LUZP2: variants seen among roughly 807,000 people sequenced by gnomAD.
LUZP2 encodes the protein leucine zipper protein 2.
Under a neutral mutation model 51.6 loss-of-function variants are expected in LUZP2, and 52 were observed. The observed-to-expected ratio is 1.01, with a 90% CI of 0.81 to 1.27. LUZP2 has a LOEUF of 1.27. Among genes scored for constraint, LUZP2 ranks in the 50% most tolerant of loss-of-function variants. The probability of loss-of-function intolerance (pLI) is 0.00; values close to 1 mark genes in which losing one functional copy is unlikely to be tolerated. For missense variants in LUZP2, 436 were observed against 395.4 expected, an observed-to-expected ratio of 1.10 and a Z score of -0.87; for synonymous variants, 154 against 137.3, an observed-to-expected ratio of 1.12 and a Z score of -0.85.
At chr11:24,649,940 T>TACACACACAGACACAG (rs1855574263) in intron 1 of LUZP2, among the ~76,000 whole-genome samples, 1 of 148,784 alleles carries the variant, frequency 6.7e-6, no homozygotes, top group Non-Finnish European at 1.5e-5. Context: ...CTAAGCTTTA[T>TACACACACAGACACAG]ACACACACAG....
chr11:24,996,341 T>C (rs2133934149), intron 9 of LUZP2, among the ~76,000 whole-genome samples: 1 of 151,512 alleles, frequency 6.6e-6, no homozygotes, highest in South Asian at 2.1e-4. Context: ...TAACTACTTG[T>C]AAAACAGATT....
chr11:24,958,043 T>C (rs565237001), intron 7 of LUZP2, among the ~76,000 whole-genome samples: 6 of 152,312 alleles, frequency 3.9e-5, no homozygotes, highest in African/African-American at 1.4e-4. Context: ...AGAATGATGA[T>C]TTCCAGCTTC....
At chr11:24,704,110 A>G (rs1455629223) in intron 1 of LUZP2, among the ~76,000 whole-genome samples, 8 of 145,668 alleles carry the variant, frequency 5.5e-5, no homozygotes, top group African/African-American at 1.0e-4. Context: ...ACATATACAC[A>G]TTCATTCTCT....
At position 24,713,569 on chromosome 11, in the gene LUZP2, G is replaced by A. The variant is rs147014967; in HGVS notation, c.63-15600G>A. On this transcript the variant is annotated intron_variant, in intron 1 of 11. Transcript: ENST00000336930. Reference sequence around the variant, plus strand: ...ATAAAAGTTAATACAGGCCAGACACGGTGGCTCACCCTGCAATCCCAGCAC... The same window carrying A: ...ATAAAAGTTAATACAGGCCAGACACAGTGGCTCACCCTGCAATCCCAGCAC... 2.9e-3 allele frequency among the ~76,000 whole-genome samples: 447 copies of A among 151,816 alleles called. 1 individual carries two copies. Among genetic ancestry groups the A allele is most frequent in the African/African-American group, 0.01 (429 of 41,372 alleles).
At chr11:25,003,592 A>C (rs1256495148) in intron 9 of LUZP2, among the ~76,000 whole-genome samples, 1 of 152,108 alleles carries the variant, frequency 6.6e-6, no homozygotes, top group Non-Finnish European at 1.5e-5. Flanking sequence ...TTCCTTACTA[A>C]ACCTTGAGCT....
chr11:24,750,393 G>A (rs185984852), intron 4 of LUZP2, among the ~76,000 whole-genome samples: 2 of 152,174 alleles, frequency 1.3e-5, no homozygotes, highest in Non-Finnish European at 2.9e-5. Flanking sequence ...CTTCCAATAG[G>A]GGAAAGAAAG....
chr11:24,987,424 A>G (rs531055618), intron 9 of LUZP2, among the ~76,000 whole-genome samples: 44 of 152,040 alleles, frequency 2.9e-4, no homozygotes, highest in African/African-American at 9.9e-4. Context: ...GACACCAGAA[A>G]TGAAAAGCAA....
rs189103063 is a variant in LUZP2, at chr11:24,983,402, T to C, written c.765+109T>C. The C allele has an allele frequency of 5.1e-4, 578 of 1,133,204 alleles. 4 individuals carry two copies. In the African/African-American group the frequency reaches 6.5e-3, roughly 13 times the overall value. 70.2% of individuals were successfully genotyped at this position (1,133,204 alleles called of 1,614,324 possible). On this transcript the variant is annotated intron_variant, in intron 9 of 11. Coordinates refer to ENST00000336930, the MANE Select transcript of LUZP2 (RefSeq NM_001009909.4). Reference sequence around the variant, plus strand: ...GGATTCAAGTATGATAACAAATCCATTGAAAGATTAGGAGGAAAATGGAAG... The same window carrying C: ...GGATTCAAGTATGATAACAAATCCACTGAAAGATTAGGAGGAAAATGGAAG...
At chr11:24,916,692 C>G (rs944985719) in intron 7 of LUZP2, among the ~76,000 whole-genome samples, 2 of 152,138 alleles carry the variant, frequency 1.3e-5, no homozygotes, top group Non-Finnish European at 2.9e-5. Context: ...GCATAGTATT[C>G]CATGGTGTAT....
chr11:24,635,625 G>A (rs57030349), intron 1 of LUZP2, among the ~76,000 whole-genome samples: 397 of 152,184 alleles, frequency 2.6e-3, no homozygotes, highest in African/African-American at 9.2e-3. Context: ...CAGAATACAG[G>A]CATTTCTATC....
intron 1 of LUZP2, among the ~76,000 whole-genome samples, chr11:24,708,304 A>G (rs1857680230): frequency 6.6e-6 from 1 of 152,220 alleles, no homozygotes; most frequent in African/African-American, 2.4e-5. Flanking sequence ...CTCAATGATA[A>G]TGCTTTATCA....
intron 1 of LUZP2, among the ~76,000 whole-genome samples, chr11:24,651,519 T>C (rs774045052): frequency 6.6e-6 from 1 of 152,128 alleles, no homozygotes; most frequent in Non-Finnish European, 1.5e-5. Context: ...ATAATTTGCA[T>C]ATGCTACATA....
At chr11:24,983,915 A>C (rs1856115797) in intron 9 of LUZP2, among the ~76,000 whole-genome samples, 1 of 151,528 alleles carries the variant, frequency 6.6e-6, no homozygotes, top group Non-Finnish European at 1.5e-5. Context: ...ATTTGAGCAA[A>C]TCTTCCTCCA....
At chr11:24,969,978 A>G (rs1017887585) in intron 7 of LUZP2, among the ~76,000 whole-genome samples, 7 of 152,194 alleles carry the variant, frequency 4.6e-5, no homozygotes, top group African/African-American at 1.7e-4. Flanking sequence ...TTAGGAATTA[A>G]GATGAACCAT....
intron 9 of LUZP2, among the ~76,000 whole-genome samples, chr11:24,994,994 A>T (rs184811135): frequency 6.6e-6 from 1 of 152,232 alleles, no homozygotes; most frequent in African/African-American, 2.4e-5. Context: ...TACACAAATA[A>T]GAATACCATA....
intron 9 of LUZP2, 115 bp from the exon 10 acceptor site, chr11:25,049,923 G>A: frequency 2.2e-6 from 1 of 446,550 alleles, no homozygotes; most frequent in Non-Finnish European, 3.9e-6. Context: ...TGATTGTAAT[G>A]TTGCTATAAT....
intron 1 of LUZP2, among the ~76,000 whole-genome samples, chr11:24,688,640 C>A (rs1856970117): frequency 6.6e-6 from 1 of 152,006 alleles, no homozygotes; most frequent in South Asian, 2.1e-4. Flanking sequence ...GAAACTGGAA[C>A]CTACCACTTG....
intron 1 of LUZP2, among the ~76,000 whole-genome samples, chr11:24,594,750 CTTTTTTTTTTTTTTTT>C (rs61196514): frequency 2.5e-5 from 2 of 78,580 alleles, no homozygotes; most frequent in East Asian, 3.0e-4. Flanking sequence ...GTTTGGGACA[CTTTTTTTTTTTTTTTT>C]TTTTTTTTTT....
At chr11:24,579,734 G>A (rs1183108972) in intron 1 of LUZP2, among the ~76,000 whole-genome samples, 1 of 152,010 alleles carries the variant, frequency 6.6e-6, no homozygotes, top group Non-Finnish European at 1.5e-5. Flanking sequence ...AAATGAGTTG[G>A]TAATTTACAC....
Sources: gnomAD v4.1 joint callset for allele counts (sites outside exome capture counted in the v4.1 genomes callset) on GRCh38, gnomAD v4.1.1 for gene constraint, MANE v1.5 for transcripts, NCBI Gene and HGNC (gene_info 2026-07-23, HGNC 2026-07-21) for gene names.